The following CLCC1 variants were observed in gnomAD, a reference collection of about 807,000 sequenced individuals.
CLCC1 encodes chloride channel CLIC-like protein 1.
Under a neutral mutation model 63.3 loss-of-function variants are expected in CLCC1, and 39 were observed. The observed-to-expected ratio is 0.62, with a 90% CI of 0.48 to 0.81. The LOEUF is 0.81. Ranked by LOEUF, CLCC1 falls within the 30% of genes least tolerant of loss-of-function variation. The pLI, the probability that CLCC1 is intolerant of heterozygous loss-of-function variation, is 0.00. For missense variants in CLCC1, 549 were observed against 669.4 expected (o/e 0.82, Z 1.98); for synonymous variants, 217 against 239.8 (o/e 0.90, Z 0.88).
chr1:108,947,576 CTA>C, intron 5 of CLCC1, 33 bp downstream of exon 5: 1 of 1,203,762 alleles, frequency 8.3e-7, no homozygotes, highest in Non-Finnish European at 1.2e-6. Context: ...AAAATATACA[CTA>C]TACGGATTAG....
intron 2 of CLCC1, among the ~76,000 whole-genome samples, chr1:108,954,208 G>A (rs1462461487): frequency 6.6e-6 from 1 of 150,698 alleles, no homozygotes; most frequent in Non-Finnish European, 1.5e-5. Context: ...TGATGACACT[G>A]CTGAGGAAAA....
chr1:108,955,433 G>C (rs1217428130), intron 2 of CLCC1, among the ~76,000 whole-genome samples: 1 of 151,318 alleles, frequency 6.6e-6, no homozygotes, highest in Non-Finnish European at 1.5e-5. Context: ...CCTGAATCTG[G>C]GCTGGCCCTG....
chr1:108,929,628 A>T lies in CLCC1; in HGVS notation c.*2919T>A. ...TTTACAACTGCGTTTTCTTGTTGTG[A>T]CTGAGAGATTTAACATAGCTTGGTG... On this transcript the variant is annotated 3_prime_UTR_variant, in exon 13 of 13. Coordinates refer to ENST00000369969, the MANE Select transcript of CLCC1 (RefSeq NM_001377458.1). 2.8e-6 allele frequency: 4 copies of T among 1,404,544 alleles called. No individual in the cohort carries two copies. Among genetic ancestry groups the T allele is most frequent in the Non-Finnish European group, 1.0e-6 (1 of 991,210 alleles). The allele number at this position is 1,404,544 out of a possible 1,614,324, so 87.0% of individuals were successfully genotyped here. A position where few individuals can be genotyped will look rare whatever the true frequency, so the allele number is the denominator to read the frequency against.
intron 2 of CLCC1, among the ~76,000 whole-genome samples, chr1:108,953,816 G>A (rs575601020): frequency 6.6e-6 from 1 of 151,816 alleles, no homozygotes; most frequent in East Asian, 2.0e-4. Context: ...TTCGAGACCA[G>A]CCTGACCAAC....
chr1:108,937,787 G>A (rs949361783), intron 10 of CLCC1, among the ~76,000 whole-genome samples: 2 of 152,174 alleles, frequency 1.3e-5, no homozygotes, highest in Admixed American at 6.5e-5. Context: ...ATTTAAAGTT[G>A]TATATCATTA....
At chr1:108,963,262 C>T (rs891199531) in intron 1 of CLCC1, 99 bp downstream of exon 1, 15 of 644,642 alleles carry the variant, frequency 2.3e-5, no homozygotes, top group Admixed American at 2.0e-4. Flanking sequence ...CCTGCGGCCT[C>T]CCCAGCGTCT....
intron 8 of CLCC1, among the ~76,000 whole-genome samples, 160 bp downstream of exon 8, chr1:108,941,245 A>G (rs1230586236): frequency 2.0e-5 from 3 of 152,194 alleles, no homozygotes; most frequent in African/African-American, 7.2e-5. Context: ...TGAGCATAAA[A>G]AGTCACTGGT....
At chr1:108,948,296 A>G (rs555009313) in intron 4 of CLCC1, among the ~76,000 whole-genome samples, 13 of 152,356 alleles carry the variant, frequency 8.5e-5, no homozygotes, top group Middle Eastern at 3.4e-3. Context: ...CAGCTTCTCC[A>G]GGGTACCACC....
chr1:108,934,826 T>C lies in CLCC1; in HGVS notation c.1500A>G (p.Gln500=), dbSNP rs1020215242. The change falls in exon 12 of 13, where the codon CAA becomes CAG. Residue 500 remains glutamine, a synonymous_variant. Coordinates refer to ENST00000369969, the MANE Select transcript of CLCC1 (RefSeq NM_001377458.1). ...AACCTTCTGTATTCCCTGATGTGTCTTGGCCAGAGACAGGCTTGGCCGACT... is the reference window on the plus strand; with the variant it reads ...AACCTTCTGTATTCCCTGATGTGTCCTGGCCAGAGACAGGCTTGGCCGACT... ...SSQSAKPVSG[Q]DTSGNTEGSP... is the part of the protein sequence containing the mutation. 1.2e-6 allele frequency: 2 copies of C among 1,614,228 alleles called. No homozygotes were observed. Among genetic ancestry groups the C allele is most frequent in the Non-Finnish European group, 1.7e-6 (2 of 1,180,044 alleles).
rs1416660730 is a variant in CLCC1, at chr1:108,939,747, C to T, written c.930G>A (p.Glu310=). 6.2e-7 allele frequency: 1 copy of T among 1,614,044 alleles called. No homozygotes were observed. Residue 310 remains glutamate, a synonymous_variant, in exon 10 of 13, where the codon GAG becomes GAA. Coordinates refer to ENST00000369969, the MANE Select transcript of CLCC1 (RefSeq NM_001377458.1). ...TTCCTTTTCCAATATGCTTCAATGGCTCCGTTACAAATGTGGTGAATGTAA... is the reference window on the plus strand; with the variant it reads ...TTCCTTTTCCAATATGCTTCAATGGTTCCGTTACAAATGTGGTGAATGTAA... The part of the protein sequence containing the change: ...LAVTFTTFVT[E]PLKHIGKGTG...
chr1:108,934,449 G>A (rs1652540602), intron 12 of CLCC1, 176 bp downstream of exon 12: 5 of 528,042 alleles, frequency 9.5e-6, no homozygotes, highest in Non-Finnish European at 1.6e-5. Context: ...TTTATGGGAT[G>A]TAAATATCAA....
intron 2 of CLCC1, among the ~76,000 whole-genome samples, chr1:108,959,909 C>T (rs1298455798): frequency 2.0e-5 from 3 of 152,176 alleles, no homozygotes; most frequent in Non-Finnish European, 2.9e-5. Flanking sequence ...GCAGGAGGAA[C>T]ACTTGAGCCC....
At chr1:108,943,296 G>A (rs995099427) in intron 7 of CLCC1, among the ~76,000 whole-genome samples, 179 bp downstream of exon 7, 4 of 152,072 alleles carry the variant, frequency 2.6e-5, no homozygotes, top group African/African-American at 9.7e-5. Context: ...CCACTAACTG[G>A]TCAAGGAATC....
chr1:108,941,459 C>A lies in CLCC1; in HGVS notation c.742G>T (p.Glu248Ter), dbSNP rs778479524. 6.2e-7 allele frequency: 1 copy of A among 1,613,992 alleles called. No individual in the cohort carries two copies. The highest frequency in any genetic ancestry group is 1.3e-5 in the African/African-American group (1 of 74,902). Residue 248 changes from glutamate to a stop codon, truncating the protein, a stop_gained, in exon 8 of 13, where the codon GAG (glutamate) becomes TAG (stop). Transcript: ENST00000369969. LOFTEE classifies it high-confidence loss of function. ...AQHQAEVAKM[E>*]PLNNVCAKKM... The stretch of plus-strand genomic sequence containing the variant: ...TTGGCACACACATTGTTTAATGGCT[C>A]CATCTTGGCGACTTCAGCCTGATGC...
In CLCC1 at chr1:108,931,772, A is replaced by AC; in HGVS notation, c.*774dup. 4.2e-6 allele frequency: 1 copy of AC among 237,872 alleles called. No individual in the cohort carries two copies. Among genetic ancestry groups the AC allele is most frequent in the East Asian group, 8.8e-5 (1 of 11,352 alleles). The allele number at this position is 237,872 out of a possible 1,614,324, so 14.7% of individuals were successfully genotyped here. A position where few individuals can be genotyped will look rare whatever the true frequency, so the allele number is the denominator to read the frequency against. ...TAAGAAAATTCAGTTAAGACAATAT[A>AC]CCAAACCACAACGTAAAAAGTTTGT... On this transcript the variant is annotated 3_prime_UTR_variant, in exon 13 of 13. Transcript: ENST00000369969.
At chr1:108,935,534 A>C (rs11102670) in intron 11 of CLCC1, among the ~76,000 whole-genome samples, 4,362 of 152,286 alleles carry the variant, frequency 0.029, 218 homozygotes, top group African/African-American at 0.099. Context: ...TGGGAGGCCA[A>C]GGTGAGAAGA....
intron 11 of CLCC1, 85 bp from the exon 12 acceptor site, chr1:108,935,027 A>G: frequency 7.4e-7 from 1 of 1,349,324 alleles, no homozygotes; most frequent in South Asian, 1.5e-5. Context: ...TCCCACCCAA[A>G]TCCGTTGTAG....
intron 2 of CLCC1, 49 bp downstream of exon 2, chr1:108,962,260 T>A (rs1571105039): frequency 6.6e-6 from 1 of 152,152 alleles, no homozygotes; most frequent in East Asian, 1.9e-4. Flanking sequence ...AAAGAAAAAG[T>A]CTTTGGTTTC....
intron 7 of CLCC1, 69 bp downstream of exon 7, chr1:108,943,406 A>G: frequency 1.3e-6 from 2 of 1,519,490 alleles, no homozygotes; most frequent in East Asian, 2.3e-5. Context: ...ATTGCTCTCA[A>G]TGGATTAGAG....
Sources: allele counts gnomAD v4.1 joint callset (sites outside exome capture counted in the v4.1 genomes callset), GRCh38; gene constraint gnomAD v4.1.1; transcripts MANE v1.5; gene names NCBI Gene and HGNC (gene_info 2026-07-23, HGNC 2026-07-21).